Variants in TENT5B observed in about 807,000 individuals in gnomAD.
The protein encoded by TENT5B is family with sequence similarity 46 member B.
In TENT5B, 12 loss-of-function variants were observed where a neutral mutation model predicts 21.7. The ratio of observed to expected loss-of-function variants is 0.55; its 90% CI spans 0.36 to 0.90. TENT5B has a LOEUF of 0.90. TENT5B is among the 40% of genes least tolerant of loss of function. TENT5B has a pLI of 0.01. For synonymous variants in TENT5B, 262 were observed against 266.6 expected, an observed-to-expected ratio of 0.98 and a Z score of 0.17; for missense variants, 540 against 601.5, an observed-to-expected ratio of 0.90 and a Z score of 1.07.
Position 27,005,985 on chromosome 1 carries a change from G to T in TENT5B, c.1237C>A (p.Leu413Ile), listed in dbSNP as rs759360654. The T allele has an allele frequency of 1.5e-5, 24 of 1,591,358 alleles. 1 individual carries two copies. In the South Asian group the frequency reaches 2.5e-4, roughly 17 times the overall value. Residue 413 changes from leucine to isoleucine, a missense_variant, in exon 2 of 2, where the codon CTC (leucine) becomes ATC (isoleucine). Physicochemically the swap from Leu to Ile is conservative, Grantham distance 5. Coordinates refer to ENST00000289166, the MANE Select transcript of TENT5B (RefSeq NM_052943.4). ...CAGGTGGGATAGGCGTGAGCCAGGAGAGGTTGCACGGGGGTCACGTAGTAA... is the reference window on the plus strand; with the variant it reads ...CAGGTGGGATAGGCGTGAGCCAGGATAGGTTGCACGGGGGTCACGTAGTAA... ...VNYYVTPVQP[L>I]LAHAYPTWLP...
intron 1 of TENT5B, among the ~76,000 whole-genome samples, chr1:27,007,680 G>C (rs887726945): frequency 6.6e-6 from 1 of 152,082 alleles, no homozygotes; most frequent in South Asian, 2.1e-4. Context: ...CACCGCGCTC[G>C]GTGGTTTAAG....
In TENT5B at chr1:27,005,787, T is replaced by C. The variant is rs962352602; in HGVS notation, c.*157A>G. 8 of 1,006,360 alleles carry C rather than the reference T, an allele frequency of 7.9e-6. No individual in the cohort carries two copies. The highest frequency in any genetic ancestry group is 1.1e-5 in the Non-Finnish European group (8 of 725,666). 62.3% of individuals were successfully genotyped at this position (1,006,360 alleles called of 1,614,324 possible). A position where few individuals can be genotyped will look rare whatever the true frequency, so the allele number is the denominator to read the frequency against. On this transcript the variant is annotated 3_prime_UTR_variant, in exon 2 of 2. Coordinates refer to ENST00000289166, the MANE Select transcript of TENT5B (RefSeq NM_052943.4). ...TGGCATTAAGCCCACAGGGGCCTCG[T>C]GCTCGGGAAAGTCTGGTCTGTTCAA...
In TENT5B at chr1:27,006,064, G is replaced by C. The variant is rs753604624; in HGVS notation, c.1158C>G (p.Ala386=). ...ALAEQGPAAT[A]ALAWRPPGTD... is the part of the protein sequence containing the mutation. ...TGCCTGGAGGGCGCCAGGCCAGGGC[G>C]GCAGTGGCAGCTGGGCCCTGCTCAG... The change falls in exon 2 of 2, where the codon GCC becomes GCG. Residue 386 remains alanine, a synonymous_variant. Transcript: ENST00000289166. The surrounding 1 kb of genome is among the most constrained non-coding windows in gnomAD (Gnocchi z 9.4). The C allele has an allele frequency of 1.2e-6, 2 of 1,611,428 alleles. No individual in the cohort carries two copies. Among genetic ancestry groups the C allele is most frequent in the Admixed American group, 3.3e-5 (2 of 59,906 alleles).
At position 27,005,469 on chromosome 1, in the gene TENT5B, C is replaced by T. The variant is rs1374407619; in HGVS notation, c.*475G>A. On this transcript the variant is annotated 3_prime_UTR_variant, in exon 2 of 2. Transcript: ENST00000289166. The stretch of plus-strand genomic sequence containing the variant: ...GTTGGCCCATCAGGCCCTGTAGTGG[C>T]CCAGCCTGATCCAAAGTGACAAGTC... 3 of 157,438 alleles carry T rather than the reference C, an allele frequency of 1.9e-5. No homozygotes were observed. Among genetic ancestry groups the T allele is most frequent in the African/African-American group, 7.2e-5 (3 of 41,612 alleles). 9.8% of individuals were successfully genotyped at this position (157,438 alleles called of 1,614,324 possible).
chr1:27,008,574 A>G (rs2082610998), intron 1 of TENT5B, among the ~76,000 whole-genome samples: 1 of 151,952 alleles, frequency 6.6e-6, no homozygotes, highest in South Asian at 2.1e-4. Context: ...ATGAGTGCCG[A>G]GCACTGGACC....
Position 27,012,758 on chromosome 1 carries a change from C to G in TENT5B, c.-88G>C. 46 of 1,263,654 alleles carry G rather than the reference C, an allele frequency of 3.6e-5. No homozygotes were observed. The highest frequency in any genetic ancestry group is 7.2e-5 in the East Asian group (2 of 27,656). The allele number at this position is 1,263,654 out of a possible 1,614,324, so 78.3% of individuals were successfully genotyped here. ...GAGAGCGGCTGGGCAGGGGCCAAGG[C>G]GGGGGGCACGAAGGCAGGGACGGGG... On this transcript the variant is annotated 5_prime_UTR_variant, in exon 1 of 2. Coordinates refer to ENST00000289166, the MANE Select transcript of TENT5B (RefSeq NM_052943.4).
Position 27,005,612 on chromosome 1 carries a change from GGT to G in TENT5B, c.*330_*331del, listed in dbSNP as rs2082592294. The G allele has an allele frequency of 3.1e-6, 1 of 324,914 alleles. No homozygotes were observed. The highest frequency in any genetic ancestry group is 2.1e-5 in the African/African-American group (1 of 46,924). 20.1% of individuals were successfully genotyped at this position (324,914 alleles called of 1,614,324 possible). A position where few individuals can be genotyped will look rare whatever the true frequency, so the allele number is the denominator to read the frequency against. On this transcript the variant is annotated 3_prime_UTR_variant, in exon 2 of 2. Transcript: ENST00000289166. ...TCTTAGACCATGGGAATCAATCCAA[GGT>G]GCTGGGCATTAAGGCTACCACCCCA...
rs571680490 is a variant in TENT5B at position 27,010,629 on chromosome 1, CA to C, written c.264+1777del. 1.8e-3 allele frequency among the ~76,000 whole-genome samples: 281 copies of C among 152,276 alleles called. 1 individual carries two copies. The highest frequency in any genetic ancestry group is 6.6e-3 in the African/African-American group (276 of 41,548). On this transcript the variant is annotated intron_variant, in intron 1 of 1. Transcript: ENST00000289166. ...GAACAGATGGGGACACTGAGCCCAG[CA>C]AAGAGAATTGACAACAAACAGTCCA...
chr1:27,005,889 A>G lies in TENT5B; in HGVS notation c.*55T>C. 6.6e-6 allele frequency: 10 copies of G among 1,510,366 alleles called. No homozygotes were observed. Among genetic ancestry groups the G allele is most frequent in the Non-Finnish European group, 8.9e-6 (10 of 1,128,984 alleles). The allele number at this position is 1,510,366 out of a possible 1,614,324, so 93.6% of individuals were successfully genotyped here. A position where few individuals can be genotyped will look rare whatever the true frequency, so the allele number is the denominator to read the frequency against. ...GGTCATGTCCTCCACACACTCTTGGAGGCCCCACCCCACCCCGTGAGGCCC... is the reference window on the plus strand; with the variant it reads ...GGTCATGTCCTCCACACACTCTTGGGGGCCCCACCCCACCCCGTGAGGCCC... On this transcript the variant is annotated 3_prime_UTR_variant, in exon 2 of 2. Coordinates refer to ENST00000289166, the MANE Select transcript of TENT5B (RefSeq NM_052943.4).
intron 1 of TENT5B, among the ~76,000 whole-genome samples, chr1:27,008,631 TGA>T (rs1322113009): frequency 2.0e-5 from 3 of 151,904 alleles, no homozygotes; most frequent in Non-Finnish European, 4.4e-5. Flanking sequence ...TTTTTGAGTC[TGA>T]GTCTGTCATC....
At position 27,006,069 on chromosome 1, in the gene TENT5B, T is replaced by C; in HGVS notation, c.1153A>G (p.Thr385Ala). The change falls in exon 2 of 2, where the codon ACT becomes GCT. Residue 385 changes from threonine to alanine, a missense_variant. Coordinates refer to ENST00000289166, the MANE Select transcript of TENT5B (RefSeq NM_052943.4). The surrounding 1 kb of genome is among the most constrained non-coding windows in gnomAD (Gnocchi z 9.4). ...QALAEQGPAA[T>A]AALAWRPPGT... is the part of the protein sequence containing the mutation. ...GGAGGGCGCCAGGCCAGGGCGGCAG[T>C]GGCAGCTGGGCCCTGCTCAGCCAGT... 6.2e-7 allele frequency: 1 copy of C among 1,611,282 alleles called. No individual in the cohort carries two copies. Among genetic ancestry groups the C allele is most frequent in the South Asian group, 1.1e-5 (1 of 90,904 alleles).
rs1473802581 is a variant in TENT5B at position 27,012,633 on chromosome 1, C to G, written c.38G>C (p.Arg13Pro). 6 of 1,511,420 alleles carry G rather than the reference C, an allele frequency of 4.0e-6. No individual in the cohort carries two copies. The highest frequency in any genetic ancestry group is 2.5e-5 in the East Asian group (1 of 39,280). The allele number at this position is 1,511,420 out of a possible 1,614,324, so 93.6% of individuals were successfully genotyped here. A position where few individuals can be genotyped will look rare whatever the true frequency, so the allele number is the denominator to read the frequency against. The change falls in exon 1 of 2, where the codon CGG becomes CCG. Residue 13 changes from arginine to proline, a missense_variant. Transcript: ENST00000289166. The stretch of plus-strand genomic sequence containing the variant: ...AGCCGTCCCCACCTGAGCAGCCGCC[C>G]GGTCCCTGCGCTCAGCTCCGCTCTC... ...PSESGAERRD[R>P]AAAQVGTAAA... is the part of the protein sequence containing the mutation.
chr1:27,012,453 C>G lies in TENT5B; in HGVS notation c.218G>C (p.Arg73Pro). ...LLSEPIPIHG[R>P]GNFPTLSVQP... ...CACGCTCAGCGTGGGGAAGTTGCCG[C>G]GCCCGTGAATGGGAATCGGCTCGCT... Residue 73 changes from arginine (R) to proline (P), a missense_variant, in exon 1 of 2, where the codon CGC becomes CCC. Coordinates refer to ENST00000289166, the MANE Select transcript of TENT5B (RefSeq NM_052943.4). 1 of 1,613,262 alleles carries G rather than the reference C, an allele frequency of 6.2e-7. No homozygotes were observed. Among genetic ancestry groups the G allele is most frequent in the Non-Finnish European group, 8.5e-7 (1 of 1,179,906 alleles).
chr1:27,012,839 AC>A lies in TENT5B; in HGVS notation c.-170del. 1 of 895,592 alleles carries A rather than the reference AC, an allele frequency of 1.1e-6. No individual in the cohort carries two copies. The highest frequency in any genetic ancestry group is 1.6e-6 in the Non-Finnish European group (1 of 643,656). The allele number at this position is 895,592 out of a possible 1,614,324, so 55.5% of individuals were successfully genotyped here. A position where few individuals can be genotyped will look rare whatever the true frequency, so the allele number is the denominator to read the frequency against. On this transcript the variant is annotated 5_prime_UTR_variant, in exon 1 of 2. Coordinates refer to ENST00000289166, the MANE Select transcript of TENT5B (RefSeq NM_052943.4). Reference sequence around the variant, plus strand: ...CACCTCAGACGGCGACGACTAACCGACCCTAGCGCCTGCAGCCCGCGGCCCA... The same window carrying A: ...CACCTCAGACGGCGACGACTAACCGACCTAGCGCCTGCAGCCCGCGGCCCA...
rs2082630923 is a variant in TENT5B at position 27,012,751 on chromosome 1, G to A, written c.-81C>T. 3 of 1,375,518 alleles carry A rather than the reference G, an allele frequency of 2.2e-6. No individual in the cohort carries two copies. Among genetic ancestry groups the A allele is most frequent in the Non-Finnish European group, 2.8e-6 (3 of 1,070,044 alleles). 85.2% of individuals were successfully genotyped at this position (1,375,518 alleles called of 1,614,324 possible). The stretch of plus-strand genomic sequence containing the variant: ...GGACAGGGAGAGCGGCTGGGCAGGG[G>A]CCAAGGCGGGGGGCACGAAGGCAGG... On this transcript the variant is annotated 5_prime_UTR_variant, in exon 1 of 2. Coordinates refer to ENST00000289166, the MANE Select transcript of TENT5B (RefSeq NM_052943.4).
At chr1:27,007,407 T>G (rs1188894953) in intron 1 of TENT5B, among the ~76,000 whole-genome samples, 3 of 151,874 alleles carry the variant, frequency 2.0e-5, no homozygotes. Flanking sequence ...TTTTTTTTTT[T>G]TTGAGATGGA....
intron 1 of TENT5B, among the ~76,000 whole-genome samples, chr1:27,008,946 A>ACCCTT (rs1271733844): frequency 7.6e-6 from 1 of 130,742 alleles, no homozygotes; most frequent in African/African-American, 3.0e-5. Context: ...GCCTTTCCAA[A>ACCCTT]CCCTTCTCTA....
At chr1:27,011,600 G>A (rs2082623847) in intron 1 of TENT5B, among the ~76,000 whole-genome samples, 2 of 152,166 alleles carry the variant, frequency 1.3e-5, no homozygotes, top group Non-Finnish European at 1.5e-5. Flanking sequence ...ACATGACAGC[G>A]TCTGGGCTGT....
intron 1 of TENT5B, 111 bp downstream of exon 1, chr1:27,012,296 C>T: frequency 6.7e-7 from 1 of 1,487,520 alleles, no homozygotes; most frequent in South Asian, 1.2e-5. Flanking sequence ...GCCATGTCCC[C>T]GTTCCTCAGT....
Sources: gnomAD v4.1 joint callset for allele counts (sites outside exome capture counted in the v4.1 genomes callset) on GRCh38, gnomAD v4.1.1 for gene constraint, Gnocchi (gnomAD v3.1) non-coding constraint, MANE v1.5 for transcripts, NCBI Gene and HGNC (gene_info 2026-07-23, HGNC 2026-07-21) for gene names.